The following GAS2 variants were observed in gnomAD, a reference collection of about 807,000 sequenced individuals.
The protein encoded by GAS2 is growth arrest-specific protein 2.
GAS2 carries 20 observed loss-of-function variants against 37.5 expected under a neutral mutation model. The observed-to-expected ratio is 0.53, with a 90% confidence interval of 0.37 to 0.77. The LOEUF is 0.77. Among genes scored for constraint, GAS2 ranks in the 30% least tolerant of loss-of-function variants. The probability of loss-of-function intolerance (pLI) is 0.00; values close to 1 mark genes in which losing one functional copy is unlikely to be tolerated. For missense variants in GAS2, 336 were observed against 373.4 expected, an observed-to-expected ratio of 0.90 and a Z score of 0.82; for synonymous variants, 144 against 132.2, an observed-to-expected ratio of 1.09 and a Z score of -0.61.
intron 3 of GAS2, among the ~76,000 whole-genome samples, chr11:22,688,839 T>G (rs1850095497): frequency 6.6e-6 from 1 of 152,166 alleles, no homozygotes. Flanking sequence ...CACATGCACC[T>G]GTATGTTCAT....
At chr11:22,789,454 A>ATATAT (rs1564889924) in intron 7 of GAS2, among the ~76,000 whole-genome samples, 2 of 61,218 alleles carry the variant, frequency 3.3e-5, no homozygotes, top group African/African-American at 1.1e-4. Context: ...ATATATATAT[A>ATATAT]TTCTTTTTTT....
intron 7 of GAS2, among the ~76,000 whole-genome samples, chr11:22,768,041 C>T (rs781539151): frequency 9.9e-5 from 15 of 152,178 alleles, no homozygotes; most frequent in Non-Finnish European, 2.1e-4. Context: ...TTTACTGATT[C>T]ACATCAACTT....
At chr11:22,744,744 G>A (rs1399242622) in intron 5 of GAS2, among the ~76,000 whole-genome samples, 2 of 152,010 alleles carry the variant, frequency 1.3e-5, no homozygotes, top group Non-Finnish European at 2.9e-5. Flanking sequence ...CTTAAGAAGG[G>A]GAATGAGACA....
At chr11:22,706,243 T>A (rs1475418059) in intron 3 of GAS2, among the ~76,000 whole-genome samples, 1 of 151,994 alleles carries the variant, frequency 6.6e-6, no homozygotes. Flanking sequence ...ACCACCCAAG[T>A]CAGGAGGCTA....
At chr11:22,706,956 G>A (rs1383150242) in intron 3 of GAS2, among the ~76,000 whole-genome samples, 7 of 152,218 alleles carry the variant, frequency 4.6e-5, no homozygotes, top group African/African-American at 1.7e-4. Context: ...CACCAACAGT[G>A]TAAAAGTGTT....
At chr11:22,680,958 TATA>T (rs1849651958) in intron 2 of GAS2, among the ~76,000 whole-genome samples, 1 of 152,184 alleles carries the variant, frequency 6.6e-6, no homozygotes, top group Non-Finnish European at 1.5e-5. Flanking sequence ...GTAAAATGGA[TATA>T]ATAATAGCAC....
intron 7 of GAS2, among the ~76,000 whole-genome samples, chr11:22,782,622 C>A (rs1433125485): frequency 5.9e-5 from 9 of 151,458 alleles, no homozygotes; most frequent in African/African-American, 2.2e-4. Flanking sequence ...CCACATGTAC[C>A]CAGAATTTAG....
chr11:22,671,784 T>G lies in GAS2; in HGVS notation c.-20-3066T>G, dbSNP rs1010301206. 4.6e-5 allele frequency among the ~76,000 whole-genome samples: 7 copies of G among 152,138 alleles called. No individual in the cohort carries two copies. In the East Asian group the frequency reaches 1.3e-3, roughly 29 times the overall value. On this transcript the variant is annotated intron_variant, in intron 1 of 7. Coordinates refer to ENST00000454584, the MANE Select transcript of GAS2 (RefSeq NM_001143830.3). ...GGAATAAGATAAATTAATTTGATCTTTCTTCACCACAATATAATCATTTTA... is the reference window on the plus strand; with the variant it reads ...GGAATAAGATAAATTAATTTGATCTGTCTTCACCACAATATAATCATTTTA...
At chr11:22,730,663 T>G (rs1226663440) in intron 4 of GAS2, among the ~76,000 whole-genome samples, 1 of 151,746 alleles carries the variant, frequency 6.6e-6, no homozygotes, top group Admixed American at 6.6e-5. Flanking sequence ...AAGATGAACT[T>G]AAGTATTTTC....
chr11:22,685,552 A>G (rs1849898464), intron 2 of GAS2, 116 bp from the exon 3 acceptor site: 3 of 1,047,800 alleles, frequency 2.9e-6, no homozygotes, highest in Admixed American at 2.3e-5. Context: ...CTCCTATCCC[A>G]GTTATGTAAC....
intron 1 of GAS2, among the ~76,000 whole-genome samples, chr11:22,655,048 A>G (rs935872254): frequency 3.3e-5 from 5 of 152,178 alleles, no homozygotes; most frequent in Non-Finnish European, 4.4e-5. Context: ...AAACCACCTT[A>G]AACCTGATCA....
At chr11:22,688,084 A>G (rs1850054034) in intron 3 of GAS2, among the ~76,000 whole-genome samples, 2 of 152,152 alleles carry the variant, frequency 1.3e-5, no homozygotes, top group Non-Finnish European at 2.9e-5. Context: ...GATAACCCTA[A>G]AGCATTAGCC....
At chr11:22,637,807 A>T (rs1858857386) in intron 1 of GAS2, among the ~76,000 whole-genome samples, 1 of 147,236 alleles carries the variant, frequency 6.8e-6, no homozygotes, top group Non-Finnish European at 1.5e-5. Flanking sequence ...ATTTATGTAT[A>T]AATTGTATAT....
intron 1 of GAS2, among the ~76,000 whole-genome samples, chr11:22,628,251 T>A (rs991937505): frequency 2.0e-5 from 3 of 152,208 alleles, no homozygotes; most frequent in African/African-American, 7.2e-5. Flanking sequence ...TTGAAAATTT[T>A]AAGAATTTTG....
intron 7 of GAS2, among the ~76,000 whole-genome samples, chr11:22,783,029 C>T (rs913134826): frequency 7.2e-5 from 11 of 152,128 alleles, no homozygotes; most frequent in African/African-American, 2.7e-4. Context: ...CCAAACTGGT[C>T]TTTACAGAGG....
intron 3 of GAS2, among the ~76,000 whole-genome samples, chr11:22,687,920 T>A (rs1047366171): frequency 4.0e-4 from 61 of 152,322 alleles, no homozygotes; most frequent in Admixed American, 3.6e-3. Context: ...TGCCTCAGTG[T>A]AAAGAATCCT....
At chr11:22,633,530 G>A (rs1342561286) in intron 1 of GAS2, among the ~76,000 whole-genome samples, 1 of 152,144 alleles carries the variant, frequency 6.6e-6, no homozygotes, top group Non-Finnish European at 1.5e-5. Context: ...TTTATTCACT[G>A]GGTTGAACAG....
intron 3 of GAS2, chr11:22,702,443 T>C (rs1272967426): frequency 1.3e-5 from 2 of 152,170 alleles, no homozygotes; most frequent in East Asian, 1.9e-4. Context: ...TTAAAAATCT[T>C]TGGACAAGAG....
intron 7 of GAS2, among the ~76,000 whole-genome samples, chr11:22,787,924 T>G (rs1293982638): frequency 6.6e-6 from 1 of 152,242 alleles, no homozygotes. Context: ...TCGCATTTCT[T>G]TTTAAAGTAT....
Sources: allele counts gnomAD v4.1 joint callset (sites outside exome capture counted in the v4.1 genomes callset), GRCh38; gene constraint gnomAD v4.1.1; transcripts MANE v1.5; gene names NCBI Gene and HGNC (gene_info 2026-07-23, HGNC 2026-07-21).